Variants in FIBCD1 observed in about 807,000 individuals in gnomAD.
The protein encoded by FIBCD1 is fibrinogen C domain-containing protein 1.
FIBCD1 carries 47 observed loss-of-function variants against 45.1 expected under a neutral mutation model. That is an observed-to-expected ratio of 1.04 (90% confidence interval 0.82 to 1.33). The LOEUF (loss-of-function observed/expected upper bound fraction) is 1.33, where lower values mean the gene tolerates loss of function less well. Ranked by LOEUF, FIBCD1 falls within the 40% of genes most tolerant of loss-of-function variation. The pLI, the probability that FIBCD1 is intolerant of heterozygous loss-of-function variation, is 0.00. For synonymous variants in FIBCD1, 313 were observed against 308.1 expected, an observed-to-expected ratio of 1.02 and a Z score of -0.17; for missense variants, 653 against 682.2, an observed-to-expected ratio of 0.96 and a Z score of 0.48.
rs149922280 is a variant in FIBCD1, at chr9:130,911,826, G to A, written c.912C>T (p.Asp304=). Residue 304 remains aspartate, a synonymous_variant, in exon 5 of 7, where the codon GAC becomes GAT. Transcript: ENST00000372338. ...GCTCCCCGGTGAGCCTGCCAAAGCC[G>A]TCTCGGTACGCATCCCAGCCCCGGA... ...NFFRGWDAYR[D]GFGRLTGEHW... is the part of the protein sequence containing the mutation. 60 of 1,604,686 alleles carry A rather than the reference G, an allele frequency of 3.7e-5. No homozygotes were observed. The highest frequency in any genetic ancestry group is 3.3e-4 in the Middle Eastern group (2 of 5,990).
At chr9:130,938,441 A>C in intron 1 of FIBCD1, 95 bp downstream of exon 1, 1 of 1,116,266 alleles carries the variant, frequency 9.0e-7, no homozygotes, top group Non-Finnish European at 1.2e-6. Flanking sequence ...GTGCGCCCCA[A>C]ACTCCAGCCC....
chr9:130,911,497 C>G (rs1483255189), intron 5 of FIBCD1, among the ~76,000 whole-genome samples: 1 of 152,236 alleles, frequency 6.6e-6, no homozygotes, highest in Non-Finnish European at 1.5e-5. Flanking sequence ...TGATTCAGGA[C>G]AGCCAGCAGG....
At chr9:130,927,817 C>T (rs1020104829) in intron 2 of FIBCD1, among the ~76,000 whole-genome samples, 9 of 152,188 alleles carry the variant, frequency 5.9e-5, no homozygotes, top group African/African-American at 2.2e-4. Context: ...TACAGGCGCC[C>T]GCCTGGCTAA....
intron 5 of FIBCD1, among the ~76,000 whole-genome samples, chr9:130,908,073 A>G (rs1831966857): frequency 6.6e-6 from 1 of 152,302 alleles, no homozygotes; most frequent in East Asian, 1.9e-4. Context: ...CTAGGAAATA[A>G]ATAATAACAT....
chr9:130,925,261 C>A (rs957899727), intron 2 of FIBCD1, among the ~76,000 whole-genome samples: 3 of 152,184 alleles, frequency 2.0e-5, no homozygotes, highest in African/African-American at 7.2e-5. Flanking sequence ...GAAACTGAGG[C>A]CCCGAAAGAG....
intron 5 of FIBCD1, among the ~76,000 whole-genome samples, chr9:130,909,250 C>T (rs967925705): frequency 4.6e-5 from 7 of 151,916 alleles, no homozygotes; most frequent in African/African-American, 1.7e-4. Flanking sequence ...TCCCTCCCAC[C>T]CAAGGCGCCC....
intron 4 of FIBCD1, 60 bp from the exon 5 acceptor site, chr9:130,911,948 C>G (rs1259287813): frequency 3.4e-6 from 5 of 1,461,206 alleles, no homozygotes; most frequent in Admixed American, 3.9e-5. Flanking sequence ...TCGCAGCCCA[C>G]CTGGGCCCAC....
Position 130,905,243 on chromosome 9 carries a change from C to A in FIBCD1, c.1117G>T (p.Gly373Cys). ...ACAGCTGGAGCCTCACCTGCAGTGC[C>A]GGAATAGTCAGCCACGGTGAGCGGG... is the stretch of plus-strand genomic sequence containing the variant. ...GYPLTVADYS[G>C]TAGDSLLKHS... is the part of the protein sequence containing the mutation. Residue 373 changes from glycine to cysteine, a missense_variant, in exon 6 of 7, where the codon GGC becomes TGC. Transcript: ENST00000372338. 1 of 1,613,214 alleles carries A rather than the reference C, an allele frequency of 6.2e-7. No individual in the cohort carries two copies. Among genetic ancestry groups the A allele is most frequent in the Non-Finnish European group, 8.5e-7 (1 of 1,179,664 alleles).
Position 130,905,357 on chromosome 9 carries a change from G to C in FIBCD1, c.1003C>G (p.Leu335Val). 1 of 1,614,040 alleles carries C rather than the reference G, an allele frequency of 6.2e-7. No individual in the cohort carries two copies. The highest frequency in any genetic ancestry group is 2.2e-5 in the East Asian group (1 of 44,878). The change falls in exon 6 of 7, where the codon CTG (leucine) becomes GTG (valine). Residue 335 changes from leucine (L) to valine (V), a missense_variant. Transcript: ENST00000372338. Reference sequence around the variant, plus strand: ...GCCGTGCCATTCTCAAAGTCCTCCAGGTCCACGTGCAGCTCGTAGGCAGCC... The same window carrying C: ...GCCGTGCCATTCTCAAAGTCCTCCACGTCCACGTGCAGCTCGTAGGCAGCC... ...TQAAYELHVD[L>V]EDFENGTAYA...
intron 1 of FIBCD1, chr9:130,938,171 T>G: frequency 9.8e-6 from 2 of 204,792 alleles, no homozygotes; most frequent in East Asian, 1.3e-4. Flanking sequence ...AAGATGCCCA[T>G]TGTAGAGGTG....
Position 130,924,414 on chromosome 9 carries a change from T to C in FIBCD1, c.553-18A>G. 1.3e-6 allele frequency: 2 copies of C among 1,594,526 alleles called. No individual in the cohort carries two copies. The highest frequency in any genetic ancestry group is 1.7e-6 in the Non-Finnish European group (2 of 1,171,402). ...GAGAGAAGCTGCGGAGCACAGGGGG[T>C]GAGCCGAGGGGGCAGGGGCTCTGTT... On this transcript the variant is annotated intron_variant, in intron 2 of 6. Transcript: ENST00000372338.
rs745511635 is a variant in FIBCD1 at position 130,911,815 on chromosome 9, C to T, written c.923G>A (p.Arg308Lys). 6.2e-7 allele frequency: 1 copy of T among 1,603,920 alleles called. No individual in the cohort carries two copies. The highest frequency in any genetic ancestry group is 8.5e-7 in the Non-Finnish European group (1 of 1,176,086). ...ACCTAGCCAGTGCTCCCCGGTGAGCCTGCCAAAGCCGTCTCGGTACGCATC... is the reference window on the plus strand; with the variant it reads ...ACCTAGCCAGTGCTCCCCGGTGAGCTTGCCAAAGCCGTCTCGGTACGCATC... ...GWDAYRDGFG[R>K]LTGEHWLGLK... Residue 308 changes from arginine to lysine, a missense_variant, in exon 5 of 7, where the codon AGG becomes AAG. By Grantham distance (26) the Arg-to-Lys change is conservative. Transcript: ENST00000372338.
intron 3 of FIBCD1, 32 bp from the exon 4 acceptor site, chr9:130,923,912 G>A (rs542941000): frequency 7.3e-5 from 118 of 1,611,186 alleles, no homozygotes; most frequent in Non-Finnish European, 9.1e-5. Flanking sequence ...GGGTGGCTGC[G>A]GCCCCAGCAC....
chr9:130,908,789 T>C (rs2133070687), intron 5 of FIBCD1, among the ~76,000 whole-genome samples: 1 of 152,244 alleles, frequency 6.6e-6, no homozygotes, highest in Admixed American at 6.5e-5. Context: ...ACCTTCCCTG[T>C]TGTCGGCACC....
At chr9:130,930,414 G>A (rs892357011) in intron 1 of FIBCD1, among the ~76,000 whole-genome samples, 121 of 93,566 alleles carry the variant, frequency 1.3e-3, no homozygotes, top group Non-Finnish European at 1.9e-3. Flanking sequence ...GCGGGGAGAC[G>A]CGGGGAGACA....
At chr9:130,912,704 G>GA (rs10538277) in intron 4 of FIBCD1, among the ~76,000 whole-genome samples, 9,490 of 141,776 alleles carry the variant, frequency 0.067, 347 homozygotes, top group Middle Eastern at 0.17. Context: ...AAAACTGTCT[G>GA]AAAAAAAAAA....
chr9:130,913,820 G>A (rs1396695869), intron 4 of FIBCD1, among the ~76,000 whole-genome samples: 3 of 152,162 alleles, frequency 2.0e-5, no homozygotes, highest in Admixed American at 6.5e-5. Context: ...TAGAGGGACC[G>A]GCAGGCCCGA....
At chr9:130,937,682 C>T (rs999019989) in intron 1 of FIBCD1, among the ~76,000 whole-genome samples, 3 of 152,168 alleles carry the variant, frequency 2.0e-5, no homozygotes, top group African/African-American at 4.8e-5. Flanking sequence ...CGAGCGGCCT[C>T]CTCGTTTTCG....
intron 1 of FIBCD1, 134 bp downstream of exon 1, chr9:130,938,402 C>T (rs888391958): frequency 2.7e-5 from 19 of 712,300 alleles, no homozygotes; most frequent in Non-Finnish European, 3.9e-5. Context: ...GGTCCCCATC[C>T]CGGCCCGGGC....
Sources: gnomAD v4.1 joint callset for allele counts (sites outside exome capture counted in the v4.1 genomes callset) on GRCh38, gnomAD v4.1.1 for gene constraint, MANE v1.5 for transcripts, NCBI Gene and HGNC (gene_info 2026-07-23, HGNC 2026-07-21) for gene names.